GNA13: variants seen among roughly 807,000 people sequenced by gnomAD.
GNA13 encodes the protein guanine nucleotide-binding protein subunit alpha-13.
Under a neutral mutation model 33.5 loss-of-function variants are expected in GNA13, and 4 were observed. The ratio of observed to expected loss-of-function variants is 0.12; its 90% CI spans 0.06 to 0.27. GNA13 has a LOEUF of 0.27. Among genes scored for constraint, GNA13 ranks in the 10% least tolerant of loss-of-function variants. The pLI is 1.00. For synonymous variants in GNA13, 176 were observed against 183.8 expected (o/e 0.96, Z 0.34); for missense variants, 319 against 487.2 (o/e 0.65, Z 3.25).
rs2143833688 is a variant in GNA13 at position 65,053,658 on chromosome 17, A to G, written c.354T>C (p.His118=). The change falls in exon 2 of 4, where the codon CAT becomes CAC. Residue 118 remains histidine, a synonymous_variant. Coordinates refer to ENST00000439174, the MANE Select transcript of GNA13 (RefSeq NM_006572.6). ...IPWGDNSNQQ[H]GDKMMSFDTR... is the part of the protein sequence containing the mutation. ...TATCAAACGACATCATCTTATCTCCATGTTGTTGGTTTGAGTTGTCTCCCC... is the reference window on the plus strand; with the variant it reads ...TATCAAACGACATCATCTTATCTCCGTGTTGTTGGTTTGAGTTGTCTCCCC... 6.2e-7 allele frequency: 1 copy of G among 1,613,938 alleles called. No individual in the cohort carries two copies. The highest frequency in any genetic ancestry group is 8.5e-7 in the Non-Finnish European group (1 of 1,179,860).
chr17:65,013,478 C>T lies in GNA13; in HGVS notation c.*779G>A, dbSNP rs1026445095. 1 of 211,674 alleles carries T rather than the reference C, an allele frequency of 4.7e-6. No individual in the cohort carries two copies. The allele number at this position is 211,674 out of a possible 1,614,324, so 13.1% of individuals were successfully genotyped here. On this transcript the variant is annotated 3_prime_UTR_variant, in exon 4 of 4. Coordinates refer to ENST00000439174, the MANE Select transcript of GNA13 (RefSeq NM_006572.6). Reference sequence around the variant, plus strand: ...TTGCTGCTATGGCCAGAATGTTTCACATATGGTACATTAAACTACATGATA... The same window carrying T: ...TTGCTGCTATGGCCAGAATGTTTCATATATGGTACATTAAACTACATGATA...
chr17:65,034,791 T>C (rs1390337888), intron 2 of GNA13, among the ~76,000 whole-genome samples: 1 of 152,222 alleles, frequency 6.6e-6, no homozygotes, highest in African/African-American at 2.4e-5. Flanking sequence ...ATTTATTTTA[T>C]TTTATTTTTT....
chr17:65,039,551 T>A (rs906776927), intron 2 of GNA13, among the ~76,000 whole-genome samples: 3 of 152,282 alleles, frequency 2.0e-5, no homozygotes, highest in African/African-American at 4.8e-5. Context: ...AGCAGTAAGT[T>A]TTTTTCCAAC....
At chr17:65,031,067 C>T (rs866320660) in intron 2 of GNA13, among the ~76,000 whole-genome samples, 12 of 152,158 alleles carry the variant, frequency 7.9e-5, no homozygotes, top group Non-Finnish European at 1.3e-4. Context: ...TCCAGTTTTT[C>T]TTTATAGAGA....
chr17:65,012,098 C>A lies in GNA13; in HGVS notation c.*2159G>T. On this transcript the variant is annotated 3_prime_UTR_variant, in exon 4 of 4. Transcript: ENST00000439174. ...AGAAAACTGCAAATGCCCAAAATAA[C>A]ATGATATCTATTTGGTGTTTCAACA... 1 of 227,384 alleles carries A rather than the reference C, an allele frequency of 4.4e-6. No individual in the cohort carries two copies. The highest frequency in any genetic ancestry group is 8.7e-6 in the Non-Finnish European group (1 of 114,382). The allele number at this position is 227,384 out of a possible 1,614,324, so 14.1% of individuals were successfully genotyped here. A position where few individuals can be genotyped will look rare whatever the true frequency, so the allele number is the denominator to read the frequency against.
intron 1 of GNA13, among the ~76,000 whole-genome samples, chr17:65,055,926 G>A (rs975223106): frequency 6.6e-6 from 1 of 152,172 alleles, no homozygotes; most frequent in South Asian, 2.1e-4. Context: ...AGCGGCTAGG[G>A]CTGCTATTGG....
At chr17:65,023,064 T>C (rs1182632364) in intron 2 of GNA13, among the ~76,000 whole-genome samples, 3 of 152,206 alleles carry the variant, frequency 2.0e-5, no homozygotes, top group African/African-American at 7.2e-5. Flanking sequence ...GAACAGTCCA[T>C]GTGGAAGAGC....
intron 2 of GNA13, among the ~76,000 whole-genome samples, chr17:65,031,513 C>CAGAA (rs1907008940): frequency 1.3e-5 from 2 of 152,152 alleles, no homozygotes. Flanking sequence ...GAAAAAGAAT[C>CAGAA]AAGTGATATC....
rs550852276 is a variant in GNA13 at position 65,051,357 on chromosome 17, T to C, written c.510+2145A>G. On this transcript the variant is annotated intron_variant, in intron 2 of 3. Coordinates refer to ENST00000439174, the MANE Select transcript of GNA13 (RefSeq NM_006572.6). Reference sequence around the variant, plus strand: ...ATGGCCAGGCACAGTGGCTCATGCCTGTAATCCCAGCACTTTGGGAGGGCA... The same window carrying C: ...ATGGCCAGGCACAGTGGCTCATGCCCGTAATCCCAGCACTTTGGGAGGGCA... Among the ~76,000 whole-genome samples, 3 of 152,292 alleles carry C rather than the reference T, an allele frequency of 2.0e-5. No homozygotes were observed. In the East Asian group the frequency reaches 5.8e-4, roughly 29 times the overall value.
At chr17:65,030,713 TAA>T (rs1220356419) in intron 2 of GNA13, among the ~76,000 whole-genome samples, 2 of 152,230 alleles carry the variant, frequency 1.3e-5, no homozygotes, top group Non-Finnish European at 2.9e-5. Context: ...TAAAGTGAAT[TAA>T]AAAGTTTCCA....
At chr17:65,028,793 C>G (rs971285716) in intron 2 of GNA13, among the ~76,000 whole-genome samples, 6 of 152,114 alleles carry the variant, frequency 3.9e-5, no homozygotes, top group African/African-American at 1.4e-4. Context: ...TCCACACCAC[C>G]TTCTTCTTCC....
intron 2 of GNA13, among the ~76,000 whole-genome samples, chr17:65,046,112 T>G (rs2143821715): frequency 6.6e-6 from 1 of 152,254 alleles, no homozygotes; most frequent in African/African-American, 2.4e-5. Context: ...TTGTTTTGCT[T>G]TTTTGTGGAC....
rs141132978 is a variant in GNA13 at position 65,053,544 on chromosome 17, G to A, written c.468C>T (p.Ser156=). The change falls in exon 2 of 4, where the codon AGC becomes AGT. Residue 156 remains serine (S), a synonymous_variant. Transcript: ENST00000439174. ...GCCGGTCATAGGCATTCTGTATGCC[G>A]CTGTCTGCCCATAATGCTCTTATAG... is the stretch of plus-strand genomic sequence containing the variant. ...LPAIRALWAD[S]GIQNAYDRRR... is the part of the protein sequence containing the mutation. 9.2e-5 allele frequency: 148 copies of A among 1,612,500 alleles called. 1 individual carries two copies. Among genetic ancestry groups the A allele is most frequent in the South Asian group, 8.3e-4 (76 of 91,052 alleles).
At chr17:65,030,817 A>C (rs1351974244) in intron 2 of GNA13, among the ~76,000 whole-genome samples, 2 of 152,212 alleles carry the variant, frequency 1.3e-5, no homozygotes, top group African/African-American at 4.8e-5. Flanking sequence ...GTTCAAGACC[A>C]GCCTGGGCAA....
Position 65,013,091 on chromosome 17 carries a change from A to G in GNA13, c.*1166T>C. ...TAAAACATTTAAAATATACCTCAAA[A>G]AAGCTGGACTTTCAACAACAACAAT... On this transcript the variant is annotated 3_prime_UTR_variant, in exon 4 of 4. Transcript: ENST00000439174. 1 of 206,136 alleles carries G rather than the reference A, an allele frequency of 4.9e-6. No individual in the cohort carries two copies. Among genetic ancestry groups the G allele is most frequent in the East Asian group, 7.4e-5 (1 of 13,570 alleles). The allele number at this position is 206,136 out of a possible 1,614,324, so 12.8% of individuals were successfully genotyped here. A position where few individuals can be genotyped will look rare whatever the true frequency, so the allele number is the denominator to read the frequency against.
At chr17:65,042,022 T>A (rs1907471123) in intron 2 of GNA13, among the ~76,000 whole-genome samples, 1 of 152,080 alleles carries the variant, frequency 6.6e-6, no homozygotes, top group African/African-American at 2.4e-5. Flanking sequence ...ATAGACCCAT[T>A]GTTTGTAAAA....
At chr17:65,033,337 T>C (rs1907121407) in intron 2 of GNA13, among the ~76,000 whole-genome samples, 1 of 150,200 alleles carries the variant, frequency 6.7e-6, no homozygotes, top group Non-Finnish European at 1.5e-5. Context: ...AAAGAAGAAA[T>C]CAGCTGGGTG....
intron 2 of GNA13, among the ~76,000 whole-genome samples, chr17:65,039,909 T>C (rs929081967): frequency 6.6e-6 from 1 of 152,198 alleles, no homozygotes; most frequent in African/African-American, 2.4e-5. Context: ...CCAGACCTGT[T>C]TCAGAATAAC....
Position 65,019,423 on chromosome 17 carries a change from T to C in GNA13, c.511-1120A>G, listed in dbSNP as rs771129781. Among the ~76,000 whole-genome samples, 177 of 152,170 alleles carry C rather than the reference T, an allele frequency of 1.2e-3. 1 individual carries two copies. Among genetic ancestry groups the C allele is most frequent in the Non-Finnish European group, 7.6e-4 (52 of 68,030 alleles). On this transcript the variant is annotated intron_variant, in intron 2 of 3. Transcript: ENST00000439174. ...CCAAGATTTGGAAGCAGCCTAAGTG[T>C]CCATCAACAGATGAATGGGTAAAGA...
Sources: gnomAD v4.1 joint callset for allele counts (sites outside exome capture counted in the v4.1 genomes callset) on GRCh38, gnomAD v4.1.1 for gene constraint, MANE v1.5 for transcripts, NCBI Gene and HGNC (gene_info 2026-07-23, HGNC 2026-07-21) for gene names.